TMCC1: variants seen among roughly 807,000 people sequenced by gnomAD.
TMCC1 encodes the protein transmembrane and coiled-coil domain family 1, also known as transmembrane and coiled-coil domains protein 1.
In TMCC1, 15 loss-of-function variants were observed where a neutral mutation model predicts 52.4. The ratio of observed to expected loss-of-function variants is 0.29; its 90% CI spans 0.19 to 0.44. TMCC1 has a LOEUF of 0.44. TMCC1 is among the 20% of genes least tolerant of loss of function. TMCC1 has a pLI of 1.00. For synonymous variants in TMCC1, 279 were observed against 301.9 expected, an observed-to-expected ratio of 0.92 and a Z score of 0.79; for missense variants, 503 against 806.0, an observed-to-expected ratio of 0.62 and a Z score of 4.55.
intron 2 of TMCC1, among the ~76,000 whole-genome samples, chr3:129,849,337 G>A (rs1483292045): frequency 1.3e-5 from 2 of 152,090 alleles, no homozygotes; most frequent in East Asian, 1.9e-4. Context: ...ACTCATGCCT[G>A]TAATCCCAGC....
At chr3:129,817,234 C>T (rs973242184) in intron 4 of TMCC1, among the ~76,000 whole-genome samples, 3 of 152,150 alleles carry the variant, frequency 2.0e-5, no homozygotes, top group Non-Finnish European at 4.4e-5. Flanking sequence ...ACAGTGTCAA[C>T]TGTTATTTAA....
chr3:129,891,294 A>C (rs1413088964), intron 1 of TMCC1, among the ~76,000 whole-genome samples: 2 of 152,234 alleles, frequency 1.3e-5, no homozygotes, highest in Non-Finnish European at 2.9e-5. Flanking sequence ...TATAATCTAT[A>C]GGCCAAATCC....
intron 2 of TMCC1, among the ~76,000 whole-genome samples, chr3:129,877,809 T>A (rs2061290293): frequency 1.3e-5 from 2 of 151,952 alleles, no homozygotes; most frequent in Non-Finnish European, 2.9e-5. Context: ...TTTGTATTTT[T>A]AATAGACATG....
At position 129,833,006 on chromosome 3, in the gene TMCC1, A is replaced by G. The variant is rs546317977; in HGVS notation, c.-183-180T>C. 2.0e-5 allele frequency among the ~76,000 whole-genome samples: 3 copies of G among 152,292 alleles called. No homozygotes were observed. The South Asian group carries it at 6.2e-4, about 32-fold the overall frequency. ...CTTTTCAGTATTTTCTAATTTTTTA[A>G]AGTATAATCAAGAATAATTATAATC... On this transcript the variant is annotated intron_variant, in intron 2 of 6. Transcript: ENST00000393238.
intron 4 of TMCC1, among the ~76,000 whole-genome samples, chr3:129,689,022 C>T (rs1231427944): frequency 6.6e-6 from 1 of 152,158 alleles, no homozygotes; most frequent in Admixed American, 6.5e-5. Context: ...CAGAAGACTG[C>T]CAGAACAGAT....
intron 2 of TMCC1, among the ~76,000 whole-genome samples, chr3:129,878,745 G>GCAGCAC (rs1255735166): frequency 2.6e-5 from 4 of 152,202 alleles, no homozygotes; most frequent in African/African-American, 9.6e-5. Context: ...AGCAGCAGCA[G>GCAGCAC]CAGCACCTGG....
At chr3:129,736,710 C>G (rs1451006739) in intron 4 of TMCC1, among the ~76,000 whole-genome samples, 1 of 151,824 alleles carries the variant, frequency 6.6e-6, no homozygotes, top group Non-Finnish European at 1.5e-5. Flanking sequence ...TTAGTAGAGA[C>G]AGGGTTTCAC....
At chr3:129,727,984 A>G (rs995241707) in intron 4 of TMCC1, among the ~76,000 whole-genome samples, 3 of 152,230 alleles carry the variant, frequency 2.0e-5, no homozygotes, top group Non-Finnish European at 4.4e-5. Flanking sequence ...GTCAGCAGCT[A>G]ACATAAACAG....
At chr3:129,813,588 G>A (rs1172313655) in intron 4 of TMCC1, among the ~76,000 whole-genome samples, 5 of 152,090 alleles carry the variant, frequency 3.3e-5, no homozygotes, top group African/African-American at 4.8e-5. Context: ...ACAAGAGGGA[G>A]TTAAACATTT....
intron 2 of TMCC1, among the ~76,000 whole-genome samples, chr3:129,868,597 C>T (rs569207204): frequency 9.9e-4 from 151 of 152,296 alleles, no homozygotes; most frequent in African/African-American, 3.4e-3. Flanking sequence ...CACCATCATG[C>T]CCAGCTAATT....
rs148949456 is a variant in TMCC1 at position 129,791,345 on chromosome 3, G to C, written c.576+36458C>G. On this transcript the variant is annotated intron_variant, in intron 4 of 6. Transcript: ENST00000393238. ...CCTGACTTCGTGATCTACCCACCTT[G>C]GCCTCCCAAAGTGCTGGGATTACAG... 8.5e-3 allele frequency among the ~76,000 whole-genome samples: 1,292 copies of C among 152,116 alleles called. 14 individuals are homozygous for C. Among genetic ancestry groups the C allele is most frequent in the Non-Finnish European group, 1.0e-2 (679 of 68,000 alleles).
At chr3:129,763,039 A>C (rs1369178610) in intron 4 of TMCC1, among the ~76,000 whole-genome samples, 3 of 151,394 alleles carry the variant, frequency 2.0e-5, no homozygotes, top group African/African-American at 7.3e-5. Flanking sequence ...TCTACTAAAA[A>C]TACAAAAAAT....
chr3:129,666,268 A>G (rs540123547), intron 5 of TMCC1, among the ~76,000 whole-genome samples: 26 of 152,332 alleles, frequency 1.7e-4, no homozygotes, highest in African/African-American at 6.3e-4. Flanking sequence ...AAAAAAGCCT[A>G]GGGCCATTTA....
chr3:129,883,126 TAA>T (rs1248090142), intron 1 of TMCC1, among the ~76,000 whole-genome samples: 4 of 134,948 alleles, frequency 3.0e-5, no homozygotes, highest in Non-Finnish European at 6.1e-5. Flanking sequence ...CTGCCTCTAC[TAA>T]AAACACACAC....
chr3:129,799,861 C>A (rs1253291210), intron 4 of TMCC1, among the ~76,000 whole-genome samples: 1 of 152,130 alleles, frequency 6.6e-6, no homozygotes, highest in African/African-American at 2.4e-5. Context: ...AAATATCATA[C>A]CTATACACAA....
intron 4 of TMCC1, among the ~76,000 whole-genome samples, chr3:129,794,056 G>A (rs1247196646): frequency 1.3e-5 from 2 of 152,110 alleles, no homozygotes; most frequent in African/African-American, 4.8e-5. Flanking sequence ...CACCCTTCTG[G>A]AAATTCTATC....
At chr3:129,726,241 G>A (rs1168924150) in intron 4 of TMCC1, among the ~76,000 whole-genome samples, 1 of 152,102 alleles carries the variant, frequency 6.6e-6, no homozygotes, top group African/African-American at 2.4e-5. Context: ...GAAGGGCTTC[G>A]TATTTATTCA....
chr3:129,886,056 A>G (rs977369038), intron 1 of TMCC1, among the ~76,000 whole-genome samples: 6 of 152,110 alleles, frequency 3.9e-5, no homozygotes, highest in African/African-American at 1.4e-4. Flanking sequence ...ACATAATGTT[A>G]AATGCAATTC....
intron 4 of TMCC1, among the ~76,000 whole-genome samples, chr3:129,800,986 C>G (rs192289472): frequency 7.0e-6 from 1 of 142,888 alleles, no homozygotes; most frequent in East Asian, 2.1e-4. Context: ...TGCAGTGGCG[C>G]GATCTTGGCT....
Sources: gnomAD v4.1 joint callset for allele counts (sites outside exome capture counted in the v4.1 genomes callset) on GRCh38, gnomAD v4.1.1 for gene constraint, MANE v1.5 for transcripts, NCBI Gene and HGNC (gene_info 2026-07-23, HGNC 2026-07-21) for gene names.